SPEF2: variants seen among roughly 807,000 people sequenced by gnomAD.
The protein encoded by SPEF2 is sperm flagellar and cilia associated 2, also known as sperm flagella and cilia-associated protein 2.
Under a neutral mutation model 224.6 loss-of-function variants are expected in SPEF2, and 187 were observed. The ratio of observed to expected loss-of-function variants is 0.83; its 90% CI spans 0.74 to 0.94. The LOEUF (loss-of-function observed/expected upper bound fraction) is 0.94. Among genes scored for constraint, SPEF2 ranks in the 40% least tolerant of loss-of-function variants. The probability of loss-of-function intolerance (pLI) is 0.00; values close to 1 mark genes in which losing one functional copy is unlikely to be tolerated. For missense variants in SPEF2, 2,170 were observed against 2,135.6 expected (o/e 1.02, Z -0.32); for synonymous variants, 715 against 707.3 (o/e 1.01, Z -0.17).
At position 35,751,054 on chromosome 5, in the gene SPEF2, T is replaced by C. The variant is rs868212915; in HGVS notation, c.3331-2570T>C. ...ATATATACACATATGTATATATATA[T>C]ACGTATATATATGTATATATATATA... On this transcript the variant is annotated intron_variant, in intron 23 of 36. Transcript: ENST00000356031. Among the ~76,000 whole-genome samples the C allele has an allele frequency of 2.5e-3, 120 of 48,410 alleles. 1 individual carries two copies. Among genetic ancestry groups the C allele is most frequent in the South Asian group, 3.6e-3 (3 of 826 alleles). 31.8% of individuals were successfully genotyped at this position (48,410 alleles called of 152,430 possible). A position where few individuals can be genotyped will look rare whatever the true frequency, so the allele number is the denominator to read the frequency against.
At chr5:35,626,415 T>G (rs1318095004) in intron 1 of SPEF2, among the ~76,000 whole-genome samples, 2 of 152,186 alleles carry the variant, frequency 1.3e-5, no homozygotes, top group Non-Finnish European at 2.9e-5. Flanking sequence ...CTGTGGACTT[T>G]AAGAATAGAT....
intron 8 of SPEF2, among the ~76,000 whole-genome samples, chr5:35,662,660 C>T (rs989804552): frequency 2.6e-5 from 4 of 152,092 alleles, no homozygotes; most frequent in African/African-American, 7.2e-5. Flanking sequence ...AGCCAGTTAT[C>T]CCAGCACCAT....
chr5:35,670,319 A>G (rs1751065600), intron 10 of SPEF2, 92 bp downstream of exon 10: 2 of 1,471,096 alleles, frequency 1.4e-6, no homozygotes, highest in Non-Finnish European at 1.8e-6. Context: ...CATTTCTACT[A>G]ATAAAAATAG....
At chr5:35,627,312 T>G (rs1409712100) in intron 1 of SPEF2, among the ~76,000 whole-genome samples, 1 of 152,050 alleles carries the variant, frequency 6.6e-6, no homozygotes, top group Non-Finnish European at 1.5e-5. Flanking sequence ...TTAAAAATTT[T>G]TTTTCTCGGC....
In SPEF2 at chr5:35,654,604, G is replaced by A; in HGVS notation, c.856G>A (p.Asp286Asn). 3 of 1,613,620 alleles carry A rather than the reference G, an allele frequency of 1.9e-6. No individual in the cohort carries two copies. The highest frequency in any genetic ancestry group is 2.5e-6 in the Non-Finnish European group (3 of 1,179,778). ...TTTDLLNTYSDDEYIKKIQKR... is the reference protein window; with the variant it reads ...TTTDLLNTYSNDEYIKKIQKR... ...CACCGATTTGTTAAATACTTACTCA[G>A]ATGACGAGTACATTAAAAAAATCCA... is the stretch of plus-strand genomic sequence containing the variant. Residue 286 changes from aspartate (D) to asparagine (N), a missense_variant, in exon 7 of 37, where the codon GAT becomes AAT. Transcript: ENST00000356031.
intron 23 of SPEF2, among the ~76,000 whole-genome samples, chr5:35,741,673 A>G (rs1747665501): frequency 6.6e-6 from 1 of 152,210 alleles, no homozygotes; most frequent in African/African-American, 2.4e-5. Context: ...CAATAGAAGC[A>G]AGGCGTCATT....
At chr5:35,783,563 C>G (rs1302217684) in intron 30 of SPEF2, among the ~76,000 whole-genome samples, 1 of 151,972 alleles carries the variant, frequency 6.6e-6, no homozygotes, top group Non-Finnish European at 1.5e-5. Context: ...AATATTGATA[C>G]AAAGTATTCT....
At chr5:35,796,237 C>T (rs1165172477) in intron 33 of SPEF2, among the ~76,000 whole-genome samples, 1 of 152,216 alleles carries the variant, frequency 6.6e-6, no homozygotes, top group African/African-American at 2.4e-5. Context: ...TTGCTGCTCT[C>T]ACTATTATTA....
At chr5:35,717,705 A>G (rs1368309532) in intron 20 of SPEF2, among the ~76,000 whole-genome samples, 1 of 152,122 alleles carries the variant, frequency 6.6e-6, no homozygotes, top group Admixed American at 6.5e-5. Flanking sequence ...CCACACAGGA[A>G]AAGGAGGGGC....
chr5:35,672,146 T>C (rs1751285583), intron 10 of SPEF2, among the ~76,000 whole-genome samples: 1 of 151,034 alleles, frequency 6.6e-6, no homozygotes, highest in South Asian at 2.1e-4. Flanking sequence ...AAAGAAACAG[T>C]TGTCCACGTT....
chr5:35,704,616 C>G lies in SPEF2; in HGVS notation c.2461C>G (p.Gln821Glu). 6.2e-7 allele frequency: 1 copy of G among 1,612,798 alleles called. No homozygotes were observed. Among genetic ancestry groups the G allele is most frequent in the Non-Finnish European group, 8.5e-7 (1 of 1,179,260 alleles). The change falls in exon 17 of 37, where the codon CAA (glutamine) becomes GAA (glutamate). Residue 821 changes from glutamine to glutamate, a missense_variant. Gln to Glu is a conservative substitution (Grantham distance 29). Coordinates refer to ENST00000356031, the MANE Select transcript of SPEF2 (RefSeq NM_024867.4). ...DISQRVAAEN[Q>E]DKDGDQNLRD... ...CAGTCAACGTGTAGCTGCTGAAAAC[C>G]AAGATAAGGATGGAGACCAAAATTT...
At chr5:35,643,452 G>A (rs557502179) in intron 3 of SPEF2, 4 of 455,864 alleles carry the variant, frequency 8.8e-6, no homozygotes, top group Non-Finnish European at 8.8e-6. Context: ...GAAGAGAACA[G>A]TAGGAGAGAA....
Position 35,759,648 on chromosome 5 carries a change from G to C in SPEF2, c.3549G>C (p.Glu1183Asp). 6.2e-7 allele frequency: 1 copy of C among 1,611,944 alleles called. No individual in the cohort carries two copies. The highest frequency in any genetic ancestry group is 8.5e-7 in the Non-Finnish European group (1 of 1,178,656). Residue 1183 changes from glutamate to aspartate, a missense_variant, in exon 25 of 37, where the codon GAG (glutamate) becomes GAC (aspartate). By Grantham distance (45) the Glu-to-Asp change is conservative. Coordinates refer to ENST00000356031, the MANE Select transcript of SPEF2 (RefSeq NM_024867.4). ...YWGMESKIPV[E>D]DNKRFTRIPL... ...GAATGGAAAGTAAAATCCCAGTAGA[G>C]GACAACAAGAGATTTACTCGAATCC...
chr5:35,756,003 G>A (rs1750384641), intron 24 of SPEF2, among the ~76,000 whole-genome samples: 1 of 152,178 alleles, frequency 6.6e-6, no homozygotes, highest in Non-Finnish European at 1.5e-5. Context: ...AGCCAGTACA[G>A]TAGCTCCCCC....
intron 34 of SPEF2, among the ~76,000 whole-genome samples, chr5:35,803,328 G>A (rs1310790666): frequency 6.6e-6 from 1 of 152,200 alleles, no homozygotes; most frequent in Non-Finnish European, 1.5e-5. Context: ...AGCTAGCACA[G>A]GAAGACGCTT....
intron 1 of SPEF2, among the ~76,000 whole-genome samples, chr5:35,622,936 T>G (rs1352072270): frequency 2.0e-5 from 3 of 152,188 alleles, no homozygotes; most frequent in African/African-American, 4.8e-5. Context: ...TGATAAAGCC[T>G]TCAAAGGATA....
intron 36 of SPEF2, among the ~76,000 whole-genome samples, chr5:35,808,900 A>ATATATATATATATAT (rs1561398564): frequency 1.3e-5 from 2 of 150,354 alleles, no homozygotes; most frequent in African/African-American, 4.9e-5. Flanking sequence ...ATATATATAT[A>ATATATATATATATAT]AAACAAGCTA....
At chr5:35,733,934 T>A (rs1002800717) in intron 21 of SPEF2, among the ~76,000 whole-genome samples, 1 of 152,192 alleles carries the variant, frequency 6.6e-6, no homozygotes, top group Admixed American at 6.5e-5. Flanking sequence ...AAACATATCT[T>A]TTAAGTTGTT....
At chr5:35,743,909 T>C (rs1030559032) in intron 23 of SPEF2, among the ~76,000 whole-genome samples, 9 of 152,184 alleles carry the variant, frequency 5.9e-5, no homozygotes, top group Admixed American at 6.5e-5. Context: ...AGGCAGGCAC[T>C]AGTAATACTC....
Sources: gnomAD v4.1 joint callset for allele counts (sites outside exome capture counted in the v4.1 genomes callset) on GRCh38, gnomAD v4.1.1 for gene constraint, MANE v1.5 for transcripts, NCBI Gene and HGNC (gene_info 2026-07-23, HGNC 2026-07-21) for gene names.